Variants in NKAIN3 observed in about 807,000 individuals in gnomAD.
NKAIN3 encodes the protein sodium/potassium transporting ATPase interacting 3.
In NKAIN3, 25 loss-of-function variants were observed where a neutral mutation model predicts 30.2. The ratio of observed to expected loss-of-function variants is 0.83; its 90% CI spans 0.60 to 1.16. The LOEUF is 1.16. NKAIN3 is among the 50% of genes most tolerant of loss of function. The pLI, the probability that NKAIN3 is intolerant of heterozygous loss-of-function variation, is 0.00. For synonymous variants in NKAIN3, 91 were observed against 89.6 expected, an observed-to-expected ratio of 1.02 and a Z score of -0.09; for missense variants, 225 against 254.1, an observed-to-expected ratio of 0.89 and a Z score of 0.78.
chr8:62,467,953 G>A (rs1047469000), intron 1 of NKAIN3, among the ~76,000 whole-genome samples: 1 of 151,808 alleles, frequency 6.6e-6, no homozygotes, highest in African/African-American at 2.4e-5. Context: ...TGCATTTTTT[G>A]TTAGAGAGGG....
chr8:62,681,941 G>A (rs1031916806), intron 3 of NKAIN3, among the ~76,000 whole-genome samples: 1 of 152,158 alleles, frequency 6.6e-6, no homozygotes, highest in African/African-American at 2.4e-5. Context: ...AAGAAACCAG[G>A]TTTTTAAAGA....
chr8:62,644,013 G>T (rs909573021), intron 3 of NKAIN3, among the ~76,000 whole-genome samples: 3 of 151,988 alleles, frequency 2.0e-5, no homozygotes, highest in Non-Finnish European at 2.9e-5. Context: ...AGTTAGTTTT[G>T]GTGAATAAGA....
At position 62,927,754 on chromosome 8, in the gene NKAIN3, A is replaced by G. The variant is rs377614940; in HGVS notation, c.532+9241A>G. On this transcript the variant is annotated intron_variant, in intron 5 of 6. Coordinates refer to ENST00000623646, the MANE Select transcript of NKAIN3 (RefSeq NM_001304533.3). Reference sequence around the variant, plus strand: ...GCTGTCATTATGTCCTTAAAATATTAACTAATCATTCCTACTATAGAGTTT... The same window carrying G: ...GCTGTCATTATGTCCTTAAAATATTGACTAATCATTCCTACTATAGAGTTT... Among the ~76,000 whole-genome samples, 29 of 152,306 alleles carry G rather than the reference A, an allele frequency of 1.9e-4. No individual in the cohort carries two copies. The South Asian group carries it at 2.9e-3, about 15-fold the overall frequency.
chr8:62,466,929 G>A (rs935934575), intron 1 of NKAIN3, among the ~76,000 whole-genome samples: 16 of 152,176 alleles, frequency 1.1e-4, no homozygotes, highest in African/African-American at 3.9e-4. Context: ...ATTTTAAAAG[G>A]TTAATCAGAT....
At chr8:62,438,277 T>G in intron 1 of NKAIN3, among the ~76,000 whole-genome samples, 1 of 152,346 alleles carries the variant, frequency 6.6e-6, no homozygotes, top group Middle Eastern at 3.4e-3. Flanking sequence ...GGACCTATCT[T>G]TATCTGAAGG....
intron 3 of NKAIN3, among the ~76,000 whole-genome samples, chr8:62,646,156 C>T (rs1468916393): frequency 7.7e-6 from 1 of 129,764 alleles, no homozygotes; most frequent in Non-Finnish European, 1.6e-5. Flanking sequence ...AAAAAAAAAA[C>T]AGATGCAGAT....
At chr8:62,261,390 G>A (rs1007366302) in intron 1 of NKAIN3, among the ~76,000 whole-genome samples, 4 of 152,156 alleles carry the variant, frequency 2.6e-5, no homozygotes, top group African/African-American at 9.7e-5. Flanking sequence ...ATTCAGAACT[G>A]ATAATGGGTT....
intron 3 of NKAIN3, among the ~76,000 whole-genome samples, chr8:62,661,656 T>C (rs1563505287): frequency 1.3e-5 from 2 of 152,136 alleles, no homozygotes; most frequent in Non-Finnish European, 2.9e-5. Flanking sequence ...AAGGAAAGCT[T>C]CTCATTCTCC....
intron 1 of NKAIN3, among the ~76,000 whole-genome samples, chr8:62,500,481 GAAAGA>G (rs1554540136): frequency 3.3e-5 from 4 of 122,934 alleles, no homozygotes; most frequent in Non-Finnish European, 5.1e-5. Flanking sequence ...AAGAAAGAAA[GAAAGA>G]AGAAAAGAAA....
chr8:62,531,709 T>C (rs1211306857), intron 1 of NKAIN3, among the ~76,000 whole-genome samples: 1 of 152,206 alleles, frequency 6.6e-6, no homozygotes, highest in African/African-American at 2.4e-5. Flanking sequence ...AATCAACCCA[T>C]AGTGTCATTT....
intron 1 of NKAIN3, among the ~76,000 whole-genome samples, chr8:62,475,027 C>T (rs1379498091): frequency 6.6e-6 from 1 of 152,022 alleles, no homozygotes; most frequent in Non-Finnish European, 1.5e-5. Context: ...AAAGTCATAG[C>T]TAAAAAGCCA....
At chr8:62,843,714 G>A (rs1819594973) in intron 4 of NKAIN3, among the ~76,000 whole-genome samples, 1 of 152,062 alleles carries the variant, frequency 6.6e-6, no homozygotes, top group South Asian at 2.1e-4. Flanking sequence ...ATAAATTTGT[G>A]CTTTTTAAAT....
chr8:62,845,338 C>A (rs1819657474), intron 4 of NKAIN3, among the ~76,000 whole-genome samples: 1 of 106,582 alleles, frequency 9.4e-6, no homozygotes, highest in Non-Finnish European at 1.9e-5. Flanking sequence ...TGGCTCCTTG[C>A]CTTGTATTTA....
chr8:62,913,459 T>C (rs1028121731), intron 4 of NKAIN3, among the ~76,000 whole-genome samples: 1 of 152,176 alleles, frequency 6.6e-6, no homozygotes, highest in Non-Finnish European at 1.5e-5. Flanking sequence ...AATGCTGTTA[T>C]GCGATGCGTG....
intron 1 of NKAIN3, among the ~76,000 whole-genome samples, chr8:62,364,590 C>G (rs920388489): frequency 1.3e-5 from 2 of 151,978 alleles, no homozygotes; most frequent in Non-Finnish European, 2.9e-5. Context: ...AGCCTGTAAT[C>G]CCAGCACTTT....
chr8:62,641,321 C>G (rs879203869), intron 3 of NKAIN3, among the ~76,000 whole-genome samples: 1 of 152,136 alleles, frequency 6.6e-6, no homozygotes, highest in Non-Finnish European at 1.5e-5. Flanking sequence ...TAAAGACACA[C>G]TCTATTGCTG....
At chr8:62,864,832 C>T (rs531347075) in intron 4 of NKAIN3, among the ~76,000 whole-genome samples, 2 of 152,266 alleles carry the variant, frequency 1.3e-5, no homozygotes, top group South Asian at 4.1e-4. Context: ...TTGTTGGGCG[C>T]ATAAACACTT....
chr8:62,405,932 A>G (rs1454302038), intron 1 of NKAIN3, among the ~76,000 whole-genome samples: 4 of 152,228 alleles, frequency 2.6e-5, no homozygotes, highest in Non-Finnish European at 2.9e-5. Context: ...AATTTACACC[A>G]TACAAGTTAT....
intron 4 of NKAIN3, among the ~76,000 whole-genome samples, chr8:62,789,468 G>A (rs975692738): frequency 2.0e-5 from 3 of 152,094 alleles, no homozygotes; most frequent in South Asian, 2.1e-4. Context: ...ATACAATCAC[G>A]TCATCTGAAA....
Sources: allele counts gnomAD v4.1 joint callset (sites outside exome capture counted in the v4.1 genomes callset), GRCh38; gene constraint gnomAD v4.1.1; transcripts MANE v1.5; gene names NCBI Gene and HGNC (gene_info 2026-07-23, HGNC 2026-07-21).